The following SYT17 variants were observed in gnomAD, a reference collection of about 807,000 sequenced individuals.
The protein encoded by SYT17 is synaptotagmin-17.
In SYT17, 22 loss-of-function variants were observed where a neutral mutation model predicts 46.7. The observed-to-expected ratio is 0.47, with a 90% CI of 0.34 to 0.67. The LOEUF is 0.67. Ranked by LOEUF, SYT17 falls within the 30% of genes least tolerant of loss-of-function variation. The pLI is 0.01. For missense variants in SYT17, 519 were observed against 612.8 expected (o/e 0.85, Z 1.62); for synonymous variants, 251 against 248.4 (o/e 1.01, Z -0.10).
At chr16:19,187,026 AATT>A (rs1400173479) in intron 5 of SYT17, among the ~76,000 whole-genome samples, 2 of 151,910 alleles carry the variant, frequency 1.3e-5, no homozygotes, top group East Asian at 3.9e-4. Context: ...GCTTTTTTAA[AATT>A]ATTATTATTA....
In SYT17 at chr16:19,231,554, A is replaced by T. The variant is rs1966689522; in HGVS notation, c.1228+6716A>T. ...AAAAAAAAAAAAAAAAAAAAAAGAA[A>T]AGAAAAAAGTCTTATTCCCTTGGCA... On this transcript the variant is annotated intron_variant, in intron 7 of 7. Coordinates refer to ENST00000355377, the MANE Select transcript of SYT17 (RefSeq NM_016524.4). 2.0e-5 allele frequency among the ~76,000 whole-genome samples: 3 copies of T among 150,046 alleles called. No individual in the cohort carries two copies. The South Asian group carries it at 6.3e-4, about 32-fold the overall frequency.
intron 7 of SYT17, among the ~76,000 whole-genome samples, chr16:19,265,441 G>A (rs949879586): frequency 2.6e-5 from 4 of 152,194 alleles, no homozygotes; most frequent in African/African-American, 7.2e-5. Context: ...GCTTTTGGAC[G>A]ATGGATGGAG....
At position 19,263,189 on chromosome 16, in the gene SYT17, A is replaced by G. The variant is rs566917175; in HGVS notation, c.1229-3691A>G. Among the ~76,000 whole-genome samples, 402 of 152,194 alleles carry G rather than the reference A, an allele frequency of 2.6e-3. 1 individual carries two copies. Among genetic ancestry groups the G allele is most frequent in the African/African-American group, 9.3e-3 (386 of 41,532 alleles). ...CAACACCACTATCTAATTCCAGAAC[A>G]TTTTTATCACCCCAAAAAGGAGCCC... On this transcript the variant is annotated intron_variant, in intron 7 of 7. Transcript: ENST00000355377.
rs549376143 is a variant in SYT17, at chr16:19,225,984, T to C, written c.1228+1146T>C. ...AGGAAGAGTGGGAGGTGGGAACCAC[T>C]GGGACTCATCTTAGAAGCTACTCAC... On this transcript the variant is annotated intron_variant, in intron 7 of 7. Transcript: ENST00000355377. Among the ~76,000 whole-genome samples, 23 of 152,342 alleles carry C rather than the reference T, an allele frequency of 1.5e-4. No individual in the cohort carries two copies. In the South Asian group the frequency reaches 3.9e-3, roughly 26 times the overall value.
chr16:19,240,282 T>C (rs2352986), intron 7 of SYT17, among the ~76,000 whole-genome samples: 105,642 of 151,958 alleles, frequency 0.7, 37,342 homozygotes, highest in East Asian at 0.99. Context: ...CGCAGACAAG[T>C]GGAGGGTGAG....
chr16:19,230,544 A>G lies in SYT17; in HGVS notation c.1228+5706A>G, dbSNP rs1236686546. Among the ~76,000 whole-genome samples, 2 of 152,232 alleles carry G rather than the reference A, an allele frequency of 1.3e-5. 1 individual carries two copies. Among genetic ancestry groups the G allele is most frequent in the Admixed American group, 1.3e-4 (2 of 15,288 alleles). ...TTTTGCTATAATTAGAAGGAAAGAA[A>G]AAATAAGTAAATGAAGCTTCAGCCC... On this transcript the variant is annotated intron_variant, in intron 7 of 7. Transcript: ENST00000355377.
chr16:19,213,665 A>G (rs887929821), intron 5 of SYT17, among the ~76,000 whole-genome samples: 67 of 152,268 alleles, frequency 4.4e-4, no homozygotes, highest in African/African-American at 1.2e-3. Context: ...GCATGCCACC[A>G]TGCTAAGCTA....
intron 5 of SYT17, among the ~76,000 whole-genome samples, chr16:19,202,288 G>A (rs767510434): frequency 2.6e-5 from 4 of 152,270 alleles, no homozygotes; most frequent in Non-Finnish European, 5.9e-5. Flanking sequence ...TCAATAATTT[G>A]CTAGAAAGGC....
intron 7 of SYT17, among the ~76,000 whole-genome samples, chr16:19,262,682 ATAGT>A (rs1199532459): frequency 6.6e-6 from 1 of 152,224 alleles, no homozygotes; most frequent in Non-Finnish European, 1.5e-5. Context: ...GGTGTCCAGC[ATAGT>A]TAGAGGACGT....
chr16:19,214,796 T>A (rs938810708), intron 5 of SYT17, among the ~76,000 whole-genome samples: 1 of 148,028 alleles, frequency 6.8e-6, no homozygotes. Context: ...ATAATTCTCT[T>A]TTTTTTTTTT....
rs185652608 is a variant in SYT17 at position 19,248,796 on chromosome 16, T to C, written c.1229-18084T>C. The stretch of plus-strand genomic sequence containing the variant: ...GAGATCGCGCCACTGGACTCCAGCC[T>C]GGGTGACAGAGCAAGACTCTGTCTC... On this transcript the variant is annotated intron_variant, in intron 7 of 7. Transcript: ENST00000355377. Among the ~76,000 whole-genome samples, 20 of 152,128 alleles carry C rather than the reference T, an allele frequency of 1.3e-4. 1 individual carries two copies. The East Asian group carries it at 3.9e-3, about 29-fold the overall frequency.
intron 5 of SYT17, among the ~76,000 whole-genome samples, chr16:19,211,786 C>G (rs1473213730): frequency 6.6e-6 from 1 of 151,898 alleles, no homozygotes; most frequent in Non-Finnish European, 1.5e-5. Context: ...CCACCAAGCC[C>G]GGCTAATATT....
At chr16:19,230,821 G>A (rs900183079) in intron 7 of SYT17, among the ~76,000 whole-genome samples, 4 of 152,080 alleles carry the variant, frequency 2.6e-5, no homozygotes, top group Non-Finnish European at 4.4e-5. Flanking sequence ...TACTTACTTC[G>A]GTGAATTGTT....
At chr16:19,237,733 A>G (rs993186856) in intron 7 of SYT17, among the ~76,000 whole-genome samples, 5 of 152,106 alleles carry the variant, frequency 3.3e-5, no homozygotes, top group Non-Finnish European at 5.9e-5. Context: ...CTTCTACCCT[A>G]CCACCAGCTC....
chr16:19,182,777 C>T lies in SYT17; in HGVS notation c.332-751C>T, dbSNP rs143320874. Among the ~76,000 whole-genome samples the T allele has an allele frequency of 1.2e-4, 18 of 152,340 alleles. 1 individual carries two copies. In the East Asian group the frequency reaches 2.5e-3, roughly 21 times the overall value. On this transcript the variant is annotated intron_variant, in intron 4 of 7. Transcript: ENST00000355377. ...TGCTGGTTCATGGAAGGGAGAGAGG[C>T]GGCCCGTAAGCGGTGAGGTTTGAAT... is the stretch of plus-strand genomic sequence containing the variant.
At chr16:19,188,513 CAAAAA>C (rs61202540) in intron 5 of SYT17, among the ~76,000 whole-genome samples, 4 of 64,584 alleles carry the variant, frequency 6.2e-5, no homozygotes, top group African/African-American at 1.3e-4. Flanking sequence ...TTCAGTTCTG[CAAAAA>C]AAAAAAAAAA....
At chr16:19,238,011 T>C (rs1381844069) in intron 7 of SYT17, among the ~76,000 whole-genome samples, 5 of 152,238 alleles carry the variant, frequency 3.3e-5, no homozygotes, top group Admixed American at 3.3e-4. Context: ...AGAGAAGTGA[T>C]GTGGCTTAGA....
rs1966214078 is a variant in SYT17 at position 19,219,381 on chromosome 16, C to G, written c.952-3664C>G. ...TGCGCCACTGCAGTCCGCAGTCCGG[C>G]CTGGGCGACAGAGCGAGACTCCGTC... On this transcript the variant is annotated intron_variant, in intron 5 of 7. Transcript: ENST00000355377. 3.5e-4 allele frequency among the ~76,000 whole-genome samples: 2 copies of G among 5,654 alleles called. 1 individual carries two copies. The highest frequency in any genetic ancestry group is 5.3e-3 in the Admixed American group (2 of 376). 3.7% of individuals were successfully genotyped at this position (5,654 alleles called of 152,430 possible).
At chr16:19,169,269 A>G (rs1382028965) in intron 1 of SYT17, among the ~76,000 whole-genome samples, 3 of 150,688 alleles carry the variant, frequency 2.0e-5, no homozygotes, top group Non-Finnish European at 3.0e-5. Flanking sequence ...ACGTCCCCCA[A>G]GAATCCTTGG....
Sources: allele counts gnomAD v4.1 joint callset (sites outside exome capture counted in the v4.1 genomes callset), GRCh38; gene constraint gnomAD v4.1.1; transcripts MANE v1.5; gene names NCBI Gene and HGNC (gene_info 2026-07-23, HGNC 2026-07-21).